The following NRP2 variants were observed in gnomAD, a reference collection of about 807,000 sequenced individuals.
NRP2 encodes neuropilin 2.
A neutral mutation model predicts 110.4 loss-of-function variants in NRP2; 52 were observed. The ratio of observed to expected loss-of-function variants is 0.47; its 90% confidence interval spans 0.38 to 0.59. The LOEUF (loss-of-function observed/expected upper bound fraction) is 0.59, where lower values mean the gene tolerates loss of function less well. Ranked by LOEUF, NRP2 falls within the 20% of genes least tolerant of loss-of-function variation. The pLI is 0.00. For missense variants in NRP2, 1,049 were observed against 1,203.0 expected (o/e 0.87, Z 1.89); for synonymous variants, 508 against 468.9 (o/e 1.08, Z -1.08).
chr2:205,794,250 A>G (rs2058331352), intron 16 of NRP2, among the ~76,000 whole-genome samples: 1 of 152,116 alleles, frequency 6.6e-6, no homozygotes, highest in Admixed American at 6.6e-5. Flanking sequence ...AGCTGGGACT[A>G]CAGGCGCCCG....
At chr2:205,719,831 C>T (rs932255364) in intron 3 of NRP2, among the ~76,000 whole-genome samples, 1 of 152,186 alleles carries the variant, frequency 6.6e-6, no homozygotes, top group Non-Finnish European at 1.5e-5. Flanking sequence ...AGCGGAAAAA[C>T]AGAGTGGACA....
In NRP2 at chr2:205,683,555, AGTGTGTGTGTGTGT is replaced by A. The variant is rs60199072; in HGVS notation, c.73+210_73+223del. 2.0e-5 allele frequency among the ~76,000 whole-genome samples: 3 copies of A among 150,022 alleles called. No homozygotes were observed. In the South Asian group the frequency reaches 6.3e-4, roughly 32 times the overall value. On this transcript the variant is annotated intron_variant, in intron 1 of 16. Transcript: ENST00000357785. ...AACCCAACTTTCCTCTCCTGCTAGG[AGTGTGTGTGTGTGT>A]GTGTGTGTGTGTGTGTGAGTGTGTT...
intron 9 of NRP2, among the ~76,000 whole-genome samples, chr2:205,744,070 T>A (rs1202146537): frequency 6.6e-6 from 1 of 152,156 alleles, no homozygotes; most frequent in Non-Finnish European, 1.5e-5. Context: ...CGTTACAACA[T>A]CTGTGCAAAG....
chr2:205,749,030 G>A (rs1450101995), intron 10 of NRP2, among the ~76,000 whole-genome samples: 3 of 152,154 alleles, frequency 2.0e-5, no homozygotes, highest in Non-Finnish European at 2.9e-5. Flanking sequence ...ATTTTACTTA[G>A]GGATTTTTGC....
intron 15 of NRP2, among the ~76,000 whole-genome samples, chr2:205,790,555 A>G (rs555164728): frequency 6.6e-6 from 1 of 152,130 alleles, no homozygotes; most frequent in South Asian, 2.1e-4. Flanking sequence ...ATTCTTATCC[A>G]GTGTTCTGCC....
At chr2:205,713,215 A>G (rs1420078330) in intron 2 of NRP2, among the ~76,000 whole-genome samples, 1 of 152,226 alleles carries the variant, frequency 6.6e-6, no homozygotes, top group East Asian at 1.9e-4. Context: ...TCTGATGAAC[A>G]AGCCAGTGGG....
intron 15 of NRP2, among the ~76,000 whole-genome samples, chr2:205,787,930 C>A (rs1404235680): frequency 6.6e-6 from 1 of 152,044 alleles, no homozygotes; most frequent in East Asian, 1.9e-4. Context: ...CAGGGAAAAG[C>A]TTATTTCATT....
At chr2:205,722,888 C>T (rs903965777) in intron 4 of NRP2, among the ~76,000 whole-genome samples, 180 bp downstream of exon 4, 13 of 152,198 alleles carry the variant, frequency 8.5e-5, no homozygotes, top group Non-Finnish European at 5.9e-5. Flanking sequence ...GGAAGGCTGT[C>T]TACTTTCTTG....
intron 5 of NRP2, among the ~76,000 whole-genome samples, chr2:205,724,896 C>G (rs849536): frequency 0.96 from 146,138 of 152,112 alleles, 70,451 homozygotes; most frequent in East Asian, 1. Flanking sequence ...CGAACTCCTG[C>G]CCTCAAGTGA....
At chr2:205,758,254 G>A (rs1452991319) in intron 12 of NRP2, among the ~76,000 whole-genome samples, 1 of 152,198 alleles carries the variant, frequency 6.6e-6, no homozygotes, top group Non-Finnish European at 1.5e-5. Flanking sequence ...ATCTCCTACA[G>A]CACTAAATAT....
intron 15 of NRP2, among the ~76,000 whole-genome samples, chr2:205,770,682 C>T (rs980379537): frequency 1.3e-5 from 2 of 152,168 alleles, no homozygotes; most frequent in Admixed American, 1.3e-4. Flanking sequence ...TGCACATAAC[C>T]GTCTGATGAA....
intron 2 of NRP2, among the ~76,000 whole-genome samples, chr2:205,710,188 G>A (rs984407538): frequency 1.3e-5 from 2 of 152,138 alleles, no homozygotes; most frequent in African/African-American, 2.4e-5. Context: ...ATGGCAATCC[G>A]GTATTTTCAT....
intron 2 of NRP2, among the ~76,000 whole-genome samples, chr2:205,712,485 A>G (rs2056818391): frequency 6.6e-6 from 1 of 152,190 alleles, no homozygotes; most frequent in Non-Finnish European, 1.5e-5. Flanking sequence ...AACACTGGAT[A>G]TTAGACACTA....
At chr2:205,745,976 GGGGGCAGCC>G in intron 10 of NRP2, 86 bp downstream of exon 10, 1 of 1,493,292 alleles carries the variant, frequency 6.7e-7, no homozygotes, top group Non-Finnish European at 9.3e-7. Context: ...GGGCTGTGGA[GGGGGCAGCC>G]ATCCCAGGAG....
At chr2:205,731,163 C>T (rs1268783805) in intron 7 of NRP2, among the ~76,000 whole-genome samples, 1 of 152,228 alleles carries the variant, frequency 6.6e-6, no homozygotes, top group Non-Finnish European at 1.5e-5. Flanking sequence ...TATGGCATAA[C>T]CACAAGGCAG....
intron 15 of NRP2, among the ~76,000 whole-genome samples, chr2:205,768,807 T>C (rs2057970178): frequency 6.6e-6 from 1 of 152,162 alleles, no homozygotes; most frequent in Admixed American, 6.5e-5. Flanking sequence ...GCAAGCATCT[T>C]TGGGAAGAAG....
At chr2:205,713,573 T>G (rs535058412) in intron 2 of NRP2, among the ~76,000 whole-genome samples, 2 of 152,370 alleles carry the variant, frequency 1.3e-5, no homozygotes, top group East Asian at 3.9e-4. Flanking sequence ...TGTATGTTTA[T>G]GTGAGGAAAT....
At position 205,796,756 on chromosome 2, in the gene NRP2, T is replaced by C. The variant is rs936529926; in HGVS notation, c.*1698T>C. ...ATTGTTCGCATCAAGATCCAAATCT[T>C]GATTTCATATTAACGCCTAAGGATT... On this transcript the variant is annotated 3_prime_UTR_variant, in exon 17 of 17. Coordinates refer to ENST00000357785, the MANE Select transcript of NRP2 (RefSeq NM_003872.3). 2 of 152,664 alleles carry C rather than the reference T, an allele frequency of 1.3e-5. No individual in the cohort carries two copies. The highest frequency in any genetic ancestry group is 4.8e-5 in the African/African-American group (2 of 41,460). The allele number at this position is 152,664 out of a possible 1,614,324, so 9.5% of individuals were successfully genotyped here.
At chr2:205,697,854 G>A in intron 2 of NRP2, 133 bp downstream of exon 2, 2 of 908,996 alleles carry the variant, frequency 2.2e-6, no homozygotes, top group Non-Finnish European at 3.7e-6. Flanking sequence ...CCTGGCCCCA[G>A]AGGAAAACCT....
Sources: allele counts gnomAD v4.1 joint callset (sites outside exome capture counted in the v4.1 genomes callset), GRCh38; gene constraint gnomAD v4.1.1; transcripts MANE v1.5; gene names NCBI Gene and HGNC (gene_info 2026-07-23, HGNC 2026-07-21).